Variants in FMN2 observed in about 807,000 individuals in gnomAD.
FMN2 encodes the protein formin 2.
Under a neutral mutation model 142.3 loss-of-function variants are expected in FMN2, and 51 were observed. The ratio of observed to expected loss-of-function variants is 0.36; its 90% CI spans 0.29 to 0.45. The LOEUF is 0.45. Among genes scored for constraint, FMN2 ranks in the 20% least tolerant of loss-of-function variants. The probability of loss-of-function intolerance (pLI) is 1.00; values close to 1 mark genes in which losing one functional copy is unlikely to be tolerated. For missense variants in FMN2, 1,936 were observed against 2,122.8 expected (o/e 0.91, Z 1.73); for synonymous variants, 882 against 869.8 (o/e 1.01, Z -0.25).
chr1:240,282,979 A>G (rs933930178), intron 7 of FMN2, among the ~76,000 whole-genome samples: 2 of 152,212 alleles, frequency 1.3e-5, no homozygotes, highest in South Asian at 4.1e-4. Context: ...TTGATGCATC[A>G]GCATTCTATT....
At chr1:240,185,679 A>G (rs1665416390) in intron 3 of FMN2, among the ~76,000 whole-genome samples, 1 of 152,256 alleles carries the variant, frequency 6.6e-6, no homozygotes, top group Non-Finnish European at 1.5e-5. Context: ...TATAGAACAA[A>G]GCTAGAAAGC....
rs368475818 is a variant in FMN2, at chr1:240,438,076, G to A, written c.4926G>A (p.Thr1642=). ...GATTTGACAGCTTTTTGGAGACCACGGCATATTTCTTCATGAAACCAAAAC... is the reference window on the plus strand; with the variant it reads ...GATTTGACAGCTTTTTGGAGACCACAGCATATTTCTTCATGAAACCAAAAC... ...TETHKCFLET[T]AYFFMKPKLG... The change falls in exon 16 of 18, where the codon ACG becomes ACA. Residue 1642 remains threonine (T), a synonymous_variant. Coordinates refer to ENST00000319653, the MANE Select transcript of FMN2 (RefSeq NM_020066.5). The A allele has an allele frequency of 3.3e-5, 53 of 1,613,254 alleles. No homozygotes were observed. The highest frequency in any genetic ancestry group is 1.6e-4 in the East Asian group (7 of 44,870).
At chr1:240,284,295 A>T (rs1572153178) in intron 7 of FMN2, among the ~76,000 whole-genome samples, 1 of 152,140 alleles carries the variant, frequency 6.6e-6, no homozygotes. Flanking sequence ...CTATATTCTA[A>T]CTAGATGCCC....
chr1:240,156,649 T>C (rs755755324), intron 2 of FMN2, among the ~76,000 whole-genome samples: 1 of 152,172 alleles, frequency 6.6e-6, no homozygotes, highest in Non-Finnish European at 1.5e-5. Context: ...GCTGAAATCC[T>C]AGTTGGCCCT....
At chr1:240,251,953 G>C (rs965770636) in intron 6 of FMN2, among the ~76,000 whole-genome samples, 1 of 152,106 alleles carries the variant, frequency 6.6e-6, no homozygotes, top group African/African-American at 2.4e-5. Context: ...CTGTTGCCTA[G>C]GCTGGAGGGC....
intron 8 of FMN2, 22 bp downstream of exon 8, chr1:240,294,905 A>G: frequency 6.3e-7 from 1 of 1,598,260 alleles, no homozygotes; most frequent in South Asian, 1.1e-5. Context: ...AAGGAATTTT[A>G]TGTGTGAGTA....
At chr1:240,111,975 G>T (rs1661824899) in intron 1 of FMN2, among the ~76,000 whole-genome samples, 1 of 152,112 alleles carries the variant, frequency 6.6e-6, no homozygotes, top group African/African-American at 2.4e-5. Flanking sequence ...TCCTATAAAA[G>T]AATGAGAGAA....
chr1:240,180,721 C>T (rs140127403), intron 3 of FMN2, among the ~76,000 whole-genome samples: 1 of 151,962 alleles, frequency 6.6e-6, no homozygotes, highest in African/African-American at 2.4e-5. Context: ...CGCCCAACAC[C>T]ATGCCAAGCT....
chr1:240,340,564 G>C (rs1185269562), intron 13 of FMN2, among the ~76,000 whole-genome samples: 1 of 152,134 alleles, frequency 6.6e-6, no homozygotes, highest in Non-Finnish European at 1.5e-5. Flanking sequence ...CTGGATGACA[G>C]AGCGAGACTC....
chr1:240,410,967 A>G (rs1674366991), intron 15 of FMN2, among the ~76,000 whole-genome samples: 1 of 152,178 alleles, frequency 6.6e-6, no homozygotes, highest in Admixed American at 6.5e-5. Flanking sequence ...TCAGTAACAT[A>G]CTTGTGCTGA....
At chr1:240,336,175 GAAAGAA>G (rs1383459999) in intron 13 of FMN2, among the ~76,000 whole-genome samples, 1 of 150,452 alleles carries the variant, frequency 6.6e-6, no homozygotes, top group Non-Finnish European at 1.5e-5. Context: ...TAAAAATAAA[GAAAGAA>G]AAAGACAAGC....
chr1:240,259,648 T>G (rs892145784), intron 7 of FMN2, among the ~76,000 whole-genome samples: 1 of 152,136 alleles, frequency 6.6e-6, no homozygotes, highest in Non-Finnish European at 1.5e-5. Context: ...TTGACTTCTC[T>G]CAGGATATGC....
chr1:240,437,502 C>T (rs1675432254), intron 15 of FMN2, among the ~76,000 whole-genome samples: 1 of 151,870 alleles, frequency 6.6e-6, no homozygotes, highest in Non-Finnish European at 1.5e-5. Flanking sequence ...CAGGGTTTCA[C>T]CGTGTTAGCC....
chr1:240,402,411 A>G (rs896716195), intron 15 of FMN2, among the ~76,000 whole-genome samples: 2 of 152,244 alleles, frequency 1.3e-5, no homozygotes, highest in Admixed American at 1.3e-4. Flanking sequence ...TTTCGAATAA[A>G]TGGTTTAACT....
At chr1:240,371,376 G>A (rs764381978) in intron 14 of FMN2, among the ~76,000 whole-genome samples, 31 of 152,074 alleles carry the variant, frequency 2.0e-4, no homozygotes, top group Non-Finnish European at 4.3e-4. Context: ...TGGGTACTTG[G>A]ATATGCTCTG....
chr1:240,224,382 C>T (rs1210751252), intron 6 of FMN2, among the ~76,000 whole-genome samples: 2 of 152,010 alleles, frequency 1.3e-5, no homozygotes, highest in Non-Finnish European at 2.9e-5. Context: ...TTTGCATTTG[C>T]TGAGGAGTGT....
chr1:240,330,618 C>T lies in FMN2; in HGVS notation c.4453C>T (p.Pro1485Ser), dbSNP rs1273099847. The T allele has an allele frequency of 1.9e-6, 3 of 1,613,060 alleles. No individual in the cohort carries two copies. Among genetic ancestry groups the T allele is most frequent in the Middle Eastern group, 1.6e-4 (1 of 6,074 alleles). Residue 1485 changes from proline to serine, a missense_variant, in exon 11 of 18, where the codon CCA (proline) becomes TCA (serine). Physicochemically the swap from Pro to Ser is moderately conservative, Grantham distance 74. This residue lies in a region of FMN2 where 322 missense variants were observed against 401.6 expected (regional missense o/e 0.80). Transcript: ENST00000319653. ...TGTTTTACAGACATTAAAAAATGGC[C>T]CAGGGGTTATGCAGGTTCTAGGTTT... ...QKLCETLKNG[P>S]GVMQVLGLVL...
intron 6 of FMN2, among the ~76,000 whole-genome samples, chr1:240,232,738 C>T (rs1038343937): frequency 1.3e-5 from 2 of 152,040 alleles, no homozygotes; most frequent in Non-Finnish European, 2.9e-5. Context: ...GTCATGTTTG[C>T]CATTCTTGAG....
chr1:240,343,504 A>G (rs1222935651), intron 13 of FMN2, among the ~76,000 whole-genome samples: 1 of 152,176 alleles, frequency 6.6e-6, no homozygotes, highest in Non-Finnish European at 1.5e-5. Context: ...TAAGCCGAAC[A>G]TACAGATATA....
Sources: allele counts gnomAD v4.1 joint callset (sites outside exome capture counted in the v4.1 genomes callset), GRCh38; gene constraint gnomAD v4.1.1; regional missense constraint gnomAD v4.1.1; transcripts MANE v1.5; gene names NCBI Gene and HGNC (gene_info 2026-07-23, HGNC 2026-07-21).